ZNF565: variants seen among roughly 807,000 people sequenced by gnomAD.
The protein encoded by ZNF565 is zinc finger protein 565.
In ZNF565, 27 loss-of-function variants were observed where a neutral mutation model predicts 39.4. The observed-to-expected ratio is 0.69, with a 90% CI of 0.51 to 0.95. The LOEUF (loss-of-function observed/expected upper bound fraction) is 0.95. Among genes scored for constraint, ZNF565 ranks in the 40% least tolerant of loss-of-function variants. The probability of loss-of-function intolerance (pLI) is 0.00; values close to 1 mark genes in which losing one functional copy is unlikely to be tolerated. For synonymous variants in ZNF565, 185 were observed against 216.6 expected, an observed-to-expected ratio of 0.85 and a Z score of 1.28; for missense variants, 524 against 621.1, an observed-to-expected ratio of 0.84 and a Z score of 1.66.
Position 36,182,824 on chromosome 19 carries a change from TGTC to T in ZNF565, c.1139_1141del (p.Arg380del), listed in dbSNP as rs753945155. 3 of 1,614,152 alleles carry T rather than the reference TGTC, an allele frequency of 1.9e-6. No homozygotes were observed. The highest frequency in any genetic ancestry group is 2.5e-6 in the Non-Finnish European group (3 of 1,180,040). ...TCTGTCGCCAGTATGGACTCTCTGA[TGTC>T]GTGTGAGCTGTGCGTGCTGTCTGAA... On this transcript the variant is annotated inframe_deletion, in exon 5 of 5. Transcript: ENST00000304116.
In ZNF565 at chr19:36,182,438, T is replaced by C. The variant is rs1436544703; in HGVS notation, c.*28A>G. ...CAGATGTGAACTCCACATAAAGGCT[T>C]ATCTTTATCCCTTACACTCAAGGCT... On this transcript the variant is annotated 3_prime_UTR_variant, in exon 5 of 5. Transcript: ENST00000304116. The C allele has an allele frequency of 1.3e-6, 2 of 1,522,692 alleles. No individual in the cohort carries two copies. Among genetic ancestry groups the C allele is most frequent in the South Asian group, 2.7e-5 (2 of 75,326 alleles). The allele number at this position is 1,522,692 out of a possible 1,614,324, so 94.3% of individuals were successfully genotyped here.
chr19:36,201,260 C>A (rs1975954635), intron 2 of ZNF565, among the ~76,000 whole-genome samples: 1 of 152,058 alleles, frequency 6.6e-6, no homozygotes, highest in Non-Finnish European at 1.5e-5. Flanking sequence ...CATGACTGCA[C>A]CACTGTGCTC....
Position 36,245,832 on chromosome 19 carries a change from G to C in ZNF565, c.-302C>G. On this transcript the variant is annotated 5_prime_UTR_variant, in exon 1 of 5. Transcript: ENST00000355114. The surrounding 1 kb of genome is among the most constrained non-coding windows in gnomAD (Gnocchi z 4.4). ...GTTCCTTCGCCCAGCTGCGGGCCTC[G>C]GGCTACTGGATCCGCTGTCTCGGTT... 1 of 365,088 alleles carries C rather than the reference G, an allele frequency of 2.7e-6. No individual in the cohort carries two copies. The highest frequency in any genetic ancestry group is 4.5e-5 in the South Asian group (1 of 22,074). The allele number at this position is 365,088 out of a possible 1,614,324, so 22.6% of individuals were successfully genotyped here.
chr19:36,233,684 G>A (rs1977500785), intron 1 of ZNF565, among the ~76,000 whole-genome samples: 1 of 152,178 alleles, frequency 6.6e-6, no homozygotes, highest in Non-Finnish European at 1.5e-5. Flanking sequence ...TGCTTTTGAT[G>A]TGCATATACA....
At chr19:36,203,751 A>AT (rs1164636653) in intron 1 of ZNF565, among the ~76,000 whole-genome samples, 1 of 150,292 alleles carries the variant, frequency 6.7e-6, no homozygotes, top group Non-Finnish European at 1.5e-5. Context: ...GATTTTTTGT[A>AT]TTTTTAGTAG....
At chr19:36,218,528 T>C (rs1976707165), upstream of ZNF565, among the ~76,000 whole-genome samples, 1 of 150,714 alleles carries the variant, frequency 6.6e-6, no homozygotes, top group Non-Finnish European at 1.5e-5. Context: ...TGCAGTGGCC[T>C]GATCTCGGCT....
intron 1 of ZNF565, among the ~76,000 whole-genome samples, chr19:36,204,488 C>T (rs1261148478): frequency 6.6e-6 from 1 of 152,160 alleles, no homozygotes; most frequent in Non-Finnish European, 1.5e-5. Flanking sequence ...TAGACCAGTG[C>T]TGTCCAAATA....
At chr19:36,240,725 C>T (rs373580157) in intron 1 of ZNF565, among the ~76,000 whole-genome samples, 44 of 152,088 alleles carry the variant, frequency 2.9e-4, no homozygotes, top group Admixed American at 2.3e-3. Flanking sequence ...AAAAATTAGC[C>T]GGGTGTAGTG....
intron 1 of ZNF565, among the ~76,000 whole-genome samples, chr19:36,202,315 C>T (rs368568069): frequency 2.0e-5 from 3 of 151,938 alleles, no homozygotes; most frequent in Admixed American, 6.6e-5. Flanking sequence ...TGCAGTGAGC[C>T]GAGACTGCAC....
chr19:36,196,981 G>A (rs1975783107), intron 2 of ZNF565, among the ~76,000 whole-genome samples: 1 of 151,026 alleles, frequency 6.6e-6, no homozygotes, highest in South Asian at 2.1e-4. Context: ...GCTTGAACCT[G>A]GGAGGCAGAG....
At chr19:36,206,865 C>T (rs74708424) in intron 1 of ZNF565, among the ~76,000 whole-genome samples, 4,059 of 152,190 alleles carry the variant, frequency 0.027, 190 homozygotes, top group African/African-American at 0.09. Context: ...ATATAGATGT[C>T]AGGTGGCAAA....
intron 1 of ZNF565, among the ~76,000 whole-genome samples, chr19:36,206,459 GA>G (rs137958051): frequency 8.3e-5 from 12 of 145,194 alleles, no homozygotes; most frequent in African/African-American, 1.8e-4. Context: ...AAAATTTGAA[GA>G]AAAAAAAAAG....
intron 1 of ZNF565, chr19:36,237,031 A>T: frequency 6.2e-7 from 1 of 1,614,200 alleles, no homozygotes; most frequent in Non-Finnish European, 8.5e-7. Context: ...CTCAGCGAAC[A>T]TCACTTATTG....
chr19:36,231,935 G>T (rs368449725), intron 1 of ZNF565, among the ~76,000 whole-genome samples: 1 of 151,726 alleles, frequency 6.6e-6, no homozygotes, highest in East Asian at 1.9e-4. Flanking sequence ...AGACTCGGTG[G>T]TTCACCCCTG....
Position 36,182,372 on chromosome 19 carries a change from G to T in ZNF565, c.*94C>A. ...ATGATGGAAGTGACAGGTGTTTTCT[G>T]ACATTAATTACACTACATTAAAAAT... On this transcript the variant is annotated 3_prime_UTR_variant, in exon 5 of 5. Transcript: ENST00000304116. 2 of 1,084,942 alleles carry T rather than the reference G, an allele frequency of 1.8e-6. No individual in the cohort carries two copies. The highest frequency in any genetic ancestry group is 2.5e-6 in the Non-Finnish European group (2 of 795,914). 67.2% of individuals were successfully genotyped at this position (1,084,942 alleles called of 1,614,324 possible).
At chr19:36,240,067 T>C (rs941065491) in intron 1 of ZNF565, among the ~76,000 whole-genome samples, 10 of 152,194 alleles carry the variant, frequency 6.6e-5, no homozygotes, top group Non-Finnish European at 8.8e-5. Flanking sequence ...GTTTTCCCTG[T>C]TTGCACATAT....
intron 1 of ZNF565, among the ~76,000 whole-genome samples, chr19:36,234,139 A>G (rs1335068464): frequency 6.6e-6 from 1 of 152,210 alleles, no homozygotes; most frequent in African/African-American, 2.4e-5. Flanking sequence ...CATCCTGCAC[A>G]GCCCTTAATC....
At chr19:36,186,907 G>A (rs1251555570) in intron 4 of ZNF565, among the ~76,000 whole-genome samples, 2 of 151,884 alleles carry the variant, frequency 1.3e-5, no homozygotes, top group Non-Finnish European at 2.9e-5. Context: ...AATAAAAGGT[G>A]TGGCCGGGTG....
intron 1 of ZNF565, among the ~76,000 whole-genome samples, chr19:36,211,195 C>A (rs1234847577): frequency 6.7e-6 from 1 of 150,042 alleles, no homozygotes; most frequent in African/African-American, 2.5e-5. Flanking sequence ...ATAATCCCAG[C>A]ATTTTGGGAG....
Sources: gnomAD v4.1 joint callset for allele counts (sites outside exome capture counted in the v4.1 genomes callset) on GRCh38, gnomAD v4.1.1 for gene constraint, Gnocchi (gnomAD v3.1) non-coding constraint, MANE v1.5 for transcripts, NCBI Gene and HGNC (gene_info 2026-07-23, HGNC 2026-07-21) for gene names.